Variants in CNTNAP4 observed in about 807,000 individuals in gnomAD.
The protein encoded by CNTNAP4 is contactin-associated protein-like 4.
In CNTNAP4, 98 loss-of-function variants were observed where a neutral mutation model predicts 148.4. The observed-to-expected ratio is 0.66, with a 90% CI of 0.56 to 0.78. CNTNAP4 has a LOEUF of 0.78. Among genes scored for constraint, CNTNAP4 ranks in the 30% least tolerant of loss-of-function variants. The probability of loss-of-function intolerance (pLI) is 0.00; values close to 1 mark genes in which losing one functional copy is unlikely to be tolerated. For synonymous variants in CNTNAP4, 730 were observed against 565.1 expected (o/e 1.29, Z -4.14); for missense variants, 1,935 against 1,565.6 (o/e 1.24, Z -3.98).
At chr16:76,400,441 T>G (rs1413362059) in intron 3 of CNTNAP4, among the ~76,000 whole-genome samples, 4 of 152,198 alleles carry the variant, frequency 2.6e-5, no homozygotes, top group South Asian at 2.1e-4. Flanking sequence ...ATGCTGGATA[T>G]TAGGCTTCTG....
chr16:76,406,512 C>A, intron 3 of CNTNAP4, among the ~76,000 whole-genome samples: 1 of 152,030 alleles, frequency 6.6e-6, no homozygotes, highest in East Asian at 1.9e-4. Flanking sequence ...CTTAGGAAGA[C>A]ATTGTCCACC....
At chr16:76,444,373 A>T (rs1448930151) in intron 4 of CNTNAP4, among the ~76,000 whole-genome samples, 1 of 151,948 alleles carries the variant, frequency 6.6e-6, no homozygotes, top group Non-Finnish European at 1.5e-5. Flanking sequence ...CTGTTAGAAG[A>T]TGTTCTACAA....
intron 1 of CNTNAP4, among the ~76,000 whole-genome samples, chr16:76,288,049 T>A (rs1445218565): frequency 6.6e-6 from 1 of 152,052 alleles, no homozygotes; most frequent in East Asian, 1.9e-4. Context: ...CCTTGAATTG[T>A]AATAACTCCC....
intron 3 of CNTNAP4, among the ~76,000 whole-genome samples, chr16:76,400,000 CA>C (rs2078348557): frequency 6.6e-6 from 1 of 152,006 alleles, no homozygotes; most frequent in South Asian, 2.1e-4. Context: ...ATTATTAATA[CA>C]AACTATTTTA....
At position 76,505,944 on chromosome 16, in the gene CNTNAP4, G is replaced by A. The variant is rs147871445; in HGVS notation, c.2365+7250G>A. On this transcript the variant is annotated intron_variant, in intron 15 of 23. Coordinates refer to ENST00000611870, the MANE Select transcript of CNTNAP4 (RefSeq NM_033401.5). ...CATCAAAACAAACAGAGAAACAACC[G>A]ACCACTAGAAGTAAATTCATGGAAC... Among the ~76,000 whole-genome samples, 9 of 97,098 alleles carry A rather than the reference G, an allele frequency of 9.3e-5. 4 individuals carry two copies. In the East Asian group the frequency reaches 4.9e-3, roughly 53 times the overall value. The allele number at this position is 97,098 out of a possible 152,430, so 63.7% of individuals were successfully genotyped here.
Position 76,277,668 on chromosome 16 carries a change from A to C in CNTNAP4, c.6A>C (p.Gly2=). Residue 2 remains glycine, a synonymous_variant, in exon 1 of 24, where the codon GGA becomes GGC. Coordinates refer to ENST00000611870, the MANE Select transcript of CNTNAP4 (RefSeq NM_033401.5). ...GGAGCCCAATAAATGTGAACATGGG[A>C]TCTGTCACGGGAGCTGTCCTCAAGA... M[G]SVTGAVLKTL... 6.2e-7 allele frequency: 1 copy of C among 1,601,800 alleles called. No individual in the cohort carries two copies. The highest frequency in any genetic ancestry group is 8.5e-7 in the Non-Finnish European group (1 of 1,173,426).
At chr16:76,490,383 T>G (rs1032707119) in intron 13 of CNTNAP4, among the ~76,000 whole-genome samples, 2 of 152,174 alleles carry the variant, frequency 1.3e-5, no homozygotes, top group Non-Finnish European at 2.9e-5. Context: ...CAAGGAGGAA[T>G]CAGAAAACCA....
At chr16:76,378,711 C>T (rs1473256632) in intron 3 of CNTNAP4, among the ~76,000 whole-genome samples, 2 of 152,190 alleles carry the variant, frequency 1.3e-5, no homozygotes, top group Non-Finnish European at 2.9e-5. Flanking sequence ...AGGTGCATCT[C>T]ACATACTTTC....
At chr16:76,355,820 CAT>C (rs1279414213) in intron 3 of CNTNAP4, among the ~76,000 whole-genome samples, 1 of 151,190 alleles carries the variant, frequency 6.6e-6, no homozygotes, top group Non-Finnish European at 1.5e-5. Flanking sequence ...TGTTCAAAAA[CAT>C]AATAGTCTTG....
At chr16:76,457,985 CCCATCTGTATGA>C (rs2080800082) in intron 8 of CNTNAP4, among the ~76,000 whole-genome samples, 1 of 152,008 alleles carries the variant, frequency 6.6e-6, no homozygotes, top group Non-Finnish European at 1.5e-5. Context: ...GCCTGTTTTT[CCCATCTGTATGA>C]CCATGTGTAC....
intron 8 of CNTNAP4, among the ~76,000 whole-genome samples, chr16:76,460,343 A>T (rs1368689803): frequency 6.6e-6 from 1 of 151,614 alleles, no homozygotes; most frequent in African/African-American, 2.4e-5. Flanking sequence ...TCCCGACCTC[A>T]GGTGATCCGC....
intron 3 of CNTNAP4, among the ~76,000 whole-genome samples, chr16:76,423,908 C>G (rs748267988): frequency 6.6e-6 from 1 of 152,028 alleles, no homozygotes; most frequent in African/African-American, 2.4e-5. Flanking sequence ...TACACTCTTC[C>G]TATGTGTGTC....
intron 2 of CNTNAP4, among the ~76,000 whole-genome samples, chr16:76,338,368 G>T (rs9921874): frequency 6.6e-6 from 1 of 151,922 alleles, no homozygotes; most frequent in Non-Finnish European, 1.5e-5. Flanking sequence ...CTGCCCTCCT[G>T]TTGCCCCCTC....
At position 76,560,538 on chromosome 16, in the gene CNTNAP4, T is replaced by C. The variant is rs2085373325; in HGVS notation, c.*1855T>C. On this transcript the variant is annotated 3_prime_UTR_variant, in exon 24 of 24. Coordinates refer to ENST00000611870, the MANE Select transcript of CNTNAP4 (RefSeq NM_033401.5). ...CAAACATCATTATATCTCTGAATCT[T>C]TTGCAGATGTTCATGTTATTTAGTA... Among the ~76,000 whole-genome samples, 1 of 152,186 alleles carries C rather than the reference T, an allele frequency of 6.6e-6. No individual in the cohort carries two copies. Among genetic ancestry groups the C allele is most frequent in the Non-Finnish European group, 1.5e-5 (1 of 68,028 alleles).
At chr16:76,358,121 G>T (rs1457827325) in intron 3 of CNTNAP4, among the ~76,000 whole-genome samples, 1 of 152,144 alleles carries the variant, frequency 6.6e-6, no homozygotes, top group Non-Finnish European at 1.5e-5. Context: ...ATCACTTGAG[G>T]CCAGGAGTTC....
At position 76,553,510 on chromosome 16, in the gene CNTNAP4, G is replaced by T. The variant is rs760074240; in HGVS notation, c.3661+9G>T. 6.3e-6 allele frequency: 10 copies of T among 1,590,946 alleles called. No individual in the cohort carries two copies. Among genetic ancestry groups the T allele is most frequent in the African/African-American group, 1.3e-5 (1 of 74,492 alleles). ...GACACACTCGTTTGCAGGTGACTTA[G>T]AGTTCTTCCTCTACTCAGTCACAGA... On this transcript the variant is annotated intron_variant, in intron 22 of 23. Transcript: ENST00000611870.
At chr16:76,294,602 T>C (rs972182217) in intron 1 of CNTNAP4, among the ~76,000 whole-genome samples, 2 of 152,246 alleles carry the variant, frequency 1.3e-5, no homozygotes, top group Non-Finnish European at 2.9e-5. Flanking sequence ...AAAATATTTT[T>C]TACATTCCTT....
At chr16:76,547,532 C>T (rs1007123725) in intron 21 of CNTNAP4, among the ~76,000 whole-genome samples, 2 of 152,244 alleles carry the variant, frequency 1.3e-5, no homozygotes, top group Admixed American at 6.5e-5. Context: ...AACCAGGTTG[C>T]ATCAAATTAA....
At chr16:76,416,533 AT>A (rs1380173179) in intron 3 of CNTNAP4, among the ~76,000 whole-genome samples, 1 of 151,126 alleles carries the variant, frequency 6.6e-6, no homozygotes, top group Non-Finnish European at 1.5e-5. Context: ...TTTTTTTCAG[AT>A]GTTTAGGAAC....
Sources: allele counts gnomAD v4.1 joint callset (sites outside exome capture counted in the v4.1 genomes callset), GRCh38; gene constraint gnomAD v4.1.1; transcripts MANE v1.5; gene names NCBI Gene and HGNC (gene_info 2026-07-23, HGNC 2026-07-21).